Variants in FGF18 observed in about 807,000 individuals in gnomAD.
The protein encoded by FGF18 is fibroblast growth factor 18.
A neutral mutation model predicts 23.0 loss-of-function variants in FGF18; 5 were observed. That is an observed-to-expected ratio of 0.22 (90% CI 0.11 to 0.46). FGF18 has a LOEUF of 0.46. FGF18 is among the 20% of genes least tolerant of loss of function. The pLI, the probability that FGF18 is intolerant of heterozygous loss-of-function variation, is 0.99. For missense variants in FGF18, 180 were observed against 291.6 expected (o/e 0.62, Z 2.79); for synonymous variants, 117 against 118.9 (o/e 0.98, Z 0.10).
chr5:171,438,071 C>G (rs1277002911), intron 3 of FGF18, among the ~76,000 whole-genome samples: 1 of 151,724 alleles, frequency 6.6e-6, no homozygotes, highest in Non-Finnish European at 1.5e-5. Flanking sequence ...AATGGTTGGG[C>G]TAACGCAGTG....
At position 171,436,140 on chromosome 5, in the gene FGF18, C is replaced by A; in HGVS notation, c.117C>A (p.Asn39Lys). The A allele has an allele frequency of 6.3e-7, 1 of 1,587,348 alleles. No individual in the cohort carries two copies. The highest frequency in any genetic ancestry group is 8.6e-7 in the Non-Finnish European group (1 of 1,163,156). ...TGGACTTCCGCATCCACGTGGAGAA[C>A]CAGACGCGGGCTCGGGACGATGTGA... The part of the protein sequence containing the change: ...ENVDFRIHVE[N>K]QTRARDDVSR... Residue 39 changes from asparagine to lysine, a missense_variant, in exon 3 of 5, where the codon AAC becomes AAA. By Grantham distance (94) the Asn-to-Lys change is moderately conservative (BLOSUM62 0). This residue lies in a region of FGF18 where 57 missense variants were observed against 59.8 expected (regional missense o/e 0.95). Transcript: ENST00000274625. This position sits in a 1 kb window ranked among gnomAD's most constrained non-coding sequence, Gnocchi z 4.4.
intron 2 of FGF18, among the ~76,000 whole-genome samples, chr5:171,420,726 C>T (rs1771992606): frequency 6.6e-6 from 1 of 152,216 alleles, no homozygotes; most frequent in Non-Finnish European, 1.5e-5. Context: ...CGGGCTCAGC[C>T]GCAACAATAT....
chr5:171,453,762 G>A (rs185220284), intron 4 of FGF18, among the ~76,000 whole-genome samples: 15 of 152,088 alleles, frequency 9.9e-5, no homozygotes, highest in Admixed American at 5.9e-4. Context: ...CCAAGTGTGC[G>A]AGACAATTTC....
rs1200690607 is a variant in FGF18, at chr5:171,456,195, C to T, written c.358-344C>T. On this transcript the variant is annotated intron_variant, in intron 4 of 4. Transcript: ENST00000274625. The surrounding 1 kb of genome is among the most constrained non-coding windows in gnomAD (Gnocchi z 6.1). Reference sequence around the variant, plus strand: ...AAGTCAGTTTAGCAAGGATCCCCCACTCTTGATATATGATCAGGGTCCTCA... The same window carrying T: ...AAGTCAGTTTAGCAAGGATCCCCCATTCTTGATATATGATCAGGGTCCTCA... Among the ~76,000 whole-genome samples the T allele has an allele frequency of 1.3e-5, 2 of 152,200 alleles. No individual in the cohort carries two copies.
At chr5:171,449,725 C>T (rs903013749) in intron 4 of FGF18, among the ~76,000 whole-genome samples, 3 of 151,964 alleles carry the variant, frequency 2.0e-5, no homozygotes, top group Admixed American at 1.3e-4. Flanking sequence ...GGAACCTGGC[C>T]GCCTCGTCAG....
At position 171,436,185 on chromosome 5, in the gene FGF18, G is replaced by A; in HGVS notation, c.162G>A (p.Leu54=). ...ATGTGAGCCGTAAGCAGCTGCGGCT[G>A]TACCAGCTCTACAGCCGGACCAGTG... ...RDDVSRKQLR[L]YQLYSRTSGK... Residue 54 remains leucine (L), a synonymous_variant, in exon 3 of 5, where the codon CTG becomes CTA. Coordinates refer to ENST00000274625, the MANE Select transcript of FGF18 (RefSeq NM_003862.3). The surrounding 1 kb of genome is among the most constrained non-coding windows in gnomAD (Gnocchi z 4.4). The A allele has an allele frequency of 1.9e-6, 3 of 1,609,076 alleles. No individual in the cohort carries two copies. Among genetic ancestry groups the A allele is most frequent in the African/African-American group, 1.3e-5 (1 of 74,868 alleles).
At chr5:171,441,436 C>T (rs976218021) in intron 3 of FGF18, among the ~76,000 whole-genome samples, 6 of 152,176 alleles carry the variant, frequency 3.9e-5, no homozygotes, top group African/African-American at 1.2e-4. Flanking sequence ...AGCAGCCTTC[C>T]GGGCATCCCG....
At position 171,420,125 on chromosome 5, in the gene FGF18, G is replaced by T. The variant is rs1771979685; in HGVS notation, c.-75G>T. On this transcript the variant is annotated 5_prime_UTR_variant, in exon 1 of 5. The change creates a new upstream start codon in the 5' untranslated region. Transcript: ENST00000274625. ...CGGCGGCGGCGGCGGCGGCGGCGGA[G>T]GCGCCCGGTCCCGGCCGCGCGGAGC... 4.8e-6 allele frequency: 6 copies of T among 1,256,350 alleles called. No homozygotes were observed. Among genetic ancestry groups the T allele is most frequent in the Non-Finnish European group, 6.0e-6 (6 of 992,214 alleles). The allele number at this position is 1,256,350 out of a possible 1,614,324, so 77.8% of individuals were successfully genotyped here.
chr5:171,433,033 A>G (rs1772203163), intron 2 of FGF18, among the ~76,000 whole-genome samples: 1 of 152,104 alleles, frequency 6.6e-6, no homozygotes, highest in African/African-American at 2.4e-5. Context: ...CACCCTCCAG[A>G]GGTCTTGCCT....
chr5:171,444,757 C>T (rs1772393602), intron 3 of FGF18, among the ~76,000 whole-genome samples: 1 of 152,204 alleles, frequency 6.6e-6, no homozygotes, highest in Non-Finnish European at 1.5e-5. Context: ...AGCCACTTCA[C>T]CTCCCTGAAT....
At chr5:171,433,093 C>T (rs775182761) in intron 2 of FGF18, among the ~76,000 whole-genome samples, 7 of 152,168 alleles carry the variant, frequency 4.6e-5, no homozygotes, top group Non-Finnish European at 1.0e-4. Context: ...ACCTTGTTTC[C>T]GAGCCAGAGG....
At position 171,420,235 on chromosome 5, in the gene FGF18, A is replaced by G; in HGVS notation, c.32+4A>G. The G allele has an allele frequency of 6.3e-7, 1 of 1,575,248 alleles. No homozygotes were observed. Among genetic ancestry groups the G allele is most frequent in the Admixed American group, 1.8e-5 (1 of 54,596 alleles). ...CGCCCTCCGCCTGCACTTGCCTGTA[A>G]GCGCCCGCGCGCGGGGCTGCCCACC... On this transcript the variant is annotated splice_donor_region_variant and intron_variant, in intron 1 of 4. Coordinates refer to ENST00000274625, the MANE Select transcript of FGF18 (RefSeq NM_003862.3).
intron 2 of FGF18, among the ~76,000 whole-genome samples, chr5:171,426,374 G>A (rs1772089446): frequency 3.3e-5 from 5 of 152,210 alleles, no homozygotes. Context: ...TATGCTCCTA[G>A]CTTTTGCTGT....
chr5:171,433,462 A>G (rs994689758), intron 2 of FGF18, among the ~76,000 whole-genome samples: 4 of 152,224 alleles, frequency 2.6e-5, no homozygotes, highest in African/African-American at 9.6e-5. Flanking sequence ...CACCTCCGGA[A>G]GTCATTCCAG....
chr5:171,437,681 C>T (rs1772272538), intron 3 of FGF18, among the ~76,000 whole-genome samples: 1 of 152,244 alleles, frequency 6.6e-6, no homozygotes. Flanking sequence ...GTGGCCCCCT[C>T]CACAGACGCC....
In FGF18 at chr5:171,440,300, G is replaced by C. The variant is rs1772323343; in HGVS notation, c.250+4027G>C. On this transcript the variant is annotated intron_variant, in intron 3 of 4. Transcript: ENST00000274625. The surrounding 1 kb of genome is among the most constrained non-coding windows in gnomAD (Gnocchi z 4.0). The stretch of plus-strand genomic sequence containing the variant: ...ACTGGCTCCAGAGGCTTCCAGAAAG[G>C]ACCTGAGGGAAGAAGCGGTACTCCT... Among the ~76,000 whole-genome samples the C allele has an allele frequency of 6.6e-6, 1 of 152,070 alleles. No individual in the cohort carries two copies. Among genetic ancestry groups the C allele is most frequent in the Non-Finnish European group, 1.5e-5 (1 of 68,028 alleles).
intron 3 of FGF18, among the ~76,000 whole-genome samples, chr5:171,441,264 T>TC (rs1772339891): frequency 6.6e-6 from 1 of 152,108 alleles, no homozygotes; most frequent in Non-Finnish European, 1.5e-5. Context: ...TCCACACGCA[T>TC]CCCAAAATGT....
At chr5:171,433,866 T>A (rs1001144897) in intron 2 of FGF18, among the ~76,000 whole-genome samples, 2 of 152,192 alleles carry the variant, frequency 1.3e-5, no homozygotes, top group African/African-American at 2.4e-5. Flanking sequence ...TAGGGCCCCA[T>A]AAAGGGTTCC....
At chr5:171,441,563 C>G (rs1772345261) in intron 3 of FGF18, among the ~76,000 whole-genome samples, 1 of 152,242 alleles carries the variant, frequency 6.6e-6, no homozygotes, top group South Asian at 2.1e-4. Context: ...GTACGATTGT[C>G]TCCTTATCAG....
Sources: allele counts gnomAD v4.1 joint callset (sites outside exome capture counted in the v4.1 genomes callset), GRCh38; gene constraint gnomAD v4.1.1; regional missense constraint gnomAD v4.1.1; non-coding constraint Gnocchi (gnomAD v3.1); transcripts MANE v1.5; gene names NCBI Gene and HGNC (gene_info 2026-07-23, HGNC 2026-07-21).